Variants in VSTM4 observed in about 807,000 individuals in gnomAD.
VSTM4 encodes the protein V-set and transmembrane domain-containing protein 4.
Under a neutral mutation model 36.4 loss-of-function variants are expected in VSTM4, and 20 were observed. The ratio of observed to expected loss-of-function variants is 0.55; its 90% CI spans 0.39 to 0.80. The LOEUF (loss-of-function observed/expected upper bound fraction) is 0.80. Among genes scored for constraint, VSTM4 ranks in the 30% least tolerant of loss-of-function variants. The probability of loss-of-function intolerance (pLI) is 0.00; values close to 1 mark genes in which losing one functional copy is unlikely to be tolerated. For synonymous variants in VSTM4, 182 were observed against 173.9 expected, an observed-to-expected ratio of 1.05 and a Z score of -0.37; for missense variants, 392 against 404.5, an observed-to-expected ratio of 0.97 and a Z score of 0.26.
intron 7 of VSTM4, among the ~76,000 whole-genome samples, chr10:49,030,250 C>T (rs369940157): frequency 6.6e-6 from 1 of 152,216 alleles, no homozygotes; most frequent in Admixed American, 6.5e-5. Context: ...GGACCTCTGG[C>T]TCTAGCAGCA....
At chr10:49,063,580 C>G (rs1238165573) in intron 5 of VSTM4, among the ~76,000 whole-genome samples, 1 of 152,110 alleles carries the variant, frequency 6.6e-6, no homozygotes, top group Non-Finnish European at 1.5e-5. Flanking sequence ...GGCTATAGTT[C>G]CAATGGCATT....
rs1564585153 is a variant in VSTM4 at position 49,077,318 on chromosome 10, C to T, written c.535G>A (p.Val179Met). The T allele has an allele frequency of 1.9e-6, 3 of 1,614,192 alleles. No individual in the cohort carries two copies. The East Asian group carries it at 6.7e-5, about 36-fold the overall frequency. ...ETWAFFEDLYVYAVLVCCVGI... is the reference protein window; with the variant it reads ...ETWAFFEDLYMYAVLVCCVGI... ...ACGCAGCACACGAGGACAGCATACA[C>T]ATAGAGATCTGAAAGGCAAGGACAG... Residue 179 changes from valine to methionine, a missense_variant, in exon 4 of 8, where the codon GTG becomes ATG. Physicochemically the swap from Val to Met is conservative, Grantham distance 21. Coordinates refer to ENST00000332853, the MANE Select transcript of VSTM4 (RefSeq NM_001031746.5).
chr10:49,100,370 C>A (rs980730008), intron 2 of VSTM4, among the ~76,000 whole-genome samples: 9 of 152,174 alleles, frequency 5.9e-5, no homozygotes, highest in Non-Finnish European at 1.0e-4. Context: ...AACACCACAT[C>A]TGAAATAATA....
chr10:49,112,337 C>A (rs1844909667), intron 1 of VSTM4, among the ~76,000 whole-genome samples: 1 of 152,218 alleles, frequency 6.6e-6, no homozygotes, highest in African/African-American at 2.4e-5. Flanking sequence ...CAGGCCTTCT[C>A]TGGTAGTTGC....
At chr10:49,054,814 C>T (rs947584684) in intron 5 of VSTM4, among the ~76,000 whole-genome samples, 1 of 152,146 alleles carries the variant, frequency 6.6e-6, no homozygotes, top group African/African-American at 2.4e-5. Context: ...TGTCCCTGGG[C>T]CATCAAATGG....
chr10:49,093,040 A>G (rs1002776173), intron 2 of VSTM4, among the ~76,000 whole-genome samples: 1 of 152,038 alleles, frequency 6.6e-6, no homozygotes, highest in African/African-American at 2.4e-5. Context: ...ACTCAATAAA[A>G]CTTGGAGAAT....
At chr10:49,050,454 T>G (rs1843680375) in intron 5 of VSTM4, among the ~76,000 whole-genome samples, 1 of 152,156 alleles carries the variant, frequency 6.6e-6, no homozygotes, top group African/African-American at 2.4e-5. Flanking sequence ...TATATAAAAA[T>G]AAGTAAAAAC....
intron 3 of VSTM4, among the ~76,000 whole-genome samples, chr10:49,081,279 A>T (rs1162216119): frequency 6.6e-6 from 1 of 152,248 alleles, no homozygotes; most frequent in African/African-American, 2.4e-5. Context: ...AGGCAGGTGA[A>T]CACAGCACCT....
At chr10:49,060,554 T>A (rs4468264) in intron 5 of VSTM4, among the ~76,000 whole-genome samples, 29,782 of 152,154 alleles carry the variant, frequency 0.2, 4,495 homozygotes, top group African/African-American at 0.41. Flanking sequence ...GTGTTATCTG[T>A]CACCTCATTA....
intron 5 of VSTM4, among the ~76,000 whole-genome samples, chr10:49,057,951 A>G (rs770693403): frequency 1.3e-5 from 2 of 152,226 alleles, no homozygotes; most frequent in Admixed American, 6.5e-5. Flanking sequence ...GTCCCAGAAA[A>G]GCCCCTGAAA....
intron 2 of VSTM4, among the ~76,000 whole-genome samples, chr10:49,095,736 G>T (rs1455535811): frequency 2.0e-5 from 3 of 151,766 alleles, no homozygotes; most frequent in African/African-American, 7.3e-5. Flanking sequence ...CCCCTCGTCT[G>T]GCCCTTTCAC....
intron 4 of VSTM4, among the ~76,000 whole-genome samples, chr10:49,067,782 G>T (rs894108129): frequency 1.3e-5 from 2 of 152,340 alleles, no homozygotes; most frequent in South Asian, 4.1e-4. Flanking sequence ...CCTGGGAAGT[G>T]CCAAAGTTGG....
chr10:49,074,438 G>C (rs907357529), intron 4 of VSTM4, among the ~76,000 whole-genome samples: 6 of 152,206 alleles, frequency 3.9e-5, no homozygotes, highest in Non-Finnish European at 8.8e-5. Flanking sequence ...TGGAAATGTA[G>C]GATTGCAGGC....
At chr10:49,046,845 G>T in intron 7 of VSTM4, 138 bp downstream of exon 7, 1 of 831,588 alleles carries the variant, frequency 1.2e-6, no homozygotes, top group East Asian at 2.4e-5. Flanking sequence ...TGGCATCTGA[G>T]AATAGAGAAT....
chr10:49,058,285 G>A (rs1485167764), intron 5 of VSTM4, among the ~76,000 whole-genome samples: 2 of 152,170 alleles, frequency 1.3e-5, no homozygotes, highest in African/African-American at 4.8e-5. Context: ...TGCCCCTTCA[G>A]TCCTCCTCAC....
chr10:49,034,985 G>T (rs1166345444), intron 7 of VSTM4, among the ~76,000 whole-genome samples: 1 of 152,178 alleles, frequency 6.6e-6, no homozygotes, highest in African/African-American at 2.4e-5. Flanking sequence ...CCCAATAACG[G>T]CAGCAAATCA....
At chr10:49,037,135 C>T (rs897574692) in intron 7 of VSTM4, among the ~76,000 whole-genome samples, 1 of 152,174 alleles carries the variant, frequency 6.6e-6, no homozygotes, top group African/African-American at 2.4e-5. Context: ...TAGTTTTCTC[C>T]TTGTTGACAG....
intron 4 of VSTM4, among the ~76,000 whole-genome samples, chr10:49,065,849 T>G (rs549387684): frequency 6.6e-6 from 1 of 152,262 alleles, no homozygotes; most frequent in South Asian, 2.1e-4. Flanking sequence ...AATCTCAGCT[T>G]CAAATGGAAC....
intron 5 of VSTM4, among the ~76,000 whole-genome samples, chr10:49,053,406 A>G (rs1843728785): frequency 6.6e-6 from 1 of 152,180 alleles, no homozygotes; most frequent in African/African-American, 2.4e-5. Context: ...ACAGGTGCTG[A>G]ACAGGGGTCA....
Sources: allele counts gnomAD v4.1 joint callset (sites outside exome capture counted in the v4.1 genomes callset), GRCh38; gene constraint gnomAD v4.1.1; transcripts MANE v1.5; gene names NCBI Gene and HGNC (gene_info 2026-07-23, HGNC 2026-07-21).